Variants in RBMS1 observed in about 807,000 individuals in gnomAD.
RBMS1 encodes the protein RNA-binding motif, single-stranded-interacting protein 1.
Under a neutral mutation model 62.3 loss-of-function variants are expected in RBMS1, and 17 were observed. That is an observed-to-expected ratio of 0.27 (90% CI 0.19 to 0.41). The LOEUF (loss-of-function observed/expected upper bound fraction) is 0.41, where lower values mean the gene tolerates loss of function less well. Among genes scored for constraint, RBMS1 ranks in the 10% least tolerant of loss-of-function variants. The probability of loss-of-function intolerance (pLI) is 1.00; values close to 1 mark genes in which losing one functional copy is unlikely to be tolerated. For missense variants in RBMS1, 334 were observed against 504.5 expected, an observed-to-expected ratio of 0.66 and a Z score of 3.24; for synonymous variants, 172 against 170.0, an observed-to-expected ratio of 1.01 and a Z score of -0.09.
chr2:160,313,678 TTA>T (rs1379165961), intron 3 of RBMS1, among the ~76,000 whole-genome samples: 19 of 152,230 alleles, frequency 1.2e-4, no homozygotes, highest in African/African-American at 4.1e-4. Flanking sequence ...GAAACAAAAA[TTA>T]TGTTTATTTT....
At chr2:160,331,597 G>A (rs1019265351) in intron 2 of RBMS1, among the ~76,000 whole-genome samples, 1 of 152,140 alleles carries the variant, frequency 6.6e-6, no homozygotes, top group Non-Finnish European at 1.5e-5. Context: ...AGGAGTGGAG[G>A]AATAAATAAA....
chr2:160,288,906 C>A (rs1015362986), intron 6 of RBMS1, among the ~76,000 whole-genome samples: 13 of 150,772 alleles, frequency 8.6e-5, no homozygotes, highest in Non-Finnish European at 1.8e-4. Context: ...AGCATAATTT[C>A]TTTCAGAGAC....
rs572043029 is a variant in RBMS1, at chr2:160,273,241, TA to T, written c.*1530del. Reference sequence around the variant, plus strand: ...CACTTGAACACTTGTAGTGATGATGTAAAGTGTGGCACTGCTTGGATCCAAA... The same window carrying T: ...CACTTGAACACTTGTAGTGATGATGTAAGTGTGGCACTGCTTGGATCCAAA... On this transcript the variant is annotated 3_prime_UTR_variant, in exon 14 of 14. Coordinates refer to ENST00000348849, the MANE Select transcript of RBMS1 (RefSeq NM_016836.4). 1 of 152,272 alleles carries T rather than the reference TA, an allele frequency of 6.6e-6. No individual in the cohort carries two copies. Among genetic ancestry groups the T allele is most frequent in the Non-Finnish European group, 1.5e-5 (1 of 68,052 alleles). 9.4% of individuals were successfully genotyped at this position (152,272 alleles called of 1,614,324 possible). A position where few individuals can be genotyped will look rare whatever the true frequency, so the allele number is the denominator to read the frequency against.
At chr2:160,408,103 G>C (rs911315675) in intron 1 of RBMS1, among the ~76,000 whole-genome samples, 4 of 151,424 alleles carry the variant, frequency 2.6e-5, no homozygotes, top group Non-Finnish European at 5.9e-5. Flanking sequence ...CCCCGCTCTG[G>C]TGCAATGGTT....
At chr2:160,278,301 G>A (rs1210415954) in intron 11 of RBMS1, 1 of 525,380 alleles carries the variant, frequency 1.9e-6, no homozygotes, top group Non-Finnish European at 3.4e-6. Context: ...GTCATAAAAG[G>A]CTAGATGTGG....
intron 5 of RBMS1, 144 bp downstream of exon 5, chr2:160,303,186 G>A: frequency 2.7e-6 from 2 of 750,186 alleles, no homozygotes; most frequent in South Asian, 2.2e-5. Context: ...ATGCAGTCTG[G>A]TATTTACACA....
At chr2:160,283,612 T>G (rs1320750460) in intron 9 of RBMS1, 1 of 152,234 alleles carries the variant, frequency 6.6e-6, no homozygotes, top group Non-Finnish European at 1.5e-5. Context: ...ACCATTTTTA[T>G]GTTTTTAGGC....
intron 1 of RBMS1, among the ~76,000 whole-genome samples, chr2:160,426,272 A>AGAAAGAAAG (rs1553522563): frequency 1.4e-4 from 18 of 127,438 alleles, no homozygotes; most frequent in Non-Finnish European, 2.0e-4. Flanking sequence ...AAAGAAAGAA[A>AGAAAGAAAG]GAAAGAAAGA....
At chr2:160,282,371 C>G (rs1688145270) in intron 9 of RBMS1, 1 of 1,309,516 alleles carries the variant, frequency 7.6e-7, no homozygotes, top group African/African-American at 1.5e-5. Context: ...TGTAGCCTTT[C>G]CCCATTGGGG....
At chr2:160,338,033 AG>A (rs1691673841) in intron 2 of RBMS1, among the ~76,000 whole-genome samples, 1 of 152,170 alleles carries the variant, frequency 6.6e-6, no homozygotes, top group Non-Finnish European at 1.5e-5. Context: ...AGACACAGGT[AG>A]AAAGCTTTGG....
At chr2:160,437,085 C>T (rs1683140936) in intron 1 of RBMS1, among the ~76,000 whole-genome samples, 1 of 152,148 alleles carries the variant, frequency 6.6e-6, no homozygotes, top group African/African-American at 2.4e-5. Context: ...ATTCATTTAG[C>T]TTGGACCCTG....
At chr2:160,304,609 T>C (rs748490435) in intron 4 of RBMS1, among the ~76,000 whole-genome samples, 3 of 152,206 alleles carry the variant, frequency 2.0e-5, no homozygotes, top group Non-Finnish European at 2.9e-5. Flanking sequence ...ATCCTGACAC[T>C]GTGTAGCCCT....
At chr2:160,472,305 A>AT (rs962084115) in intron 1 of RBMS1, among the ~76,000 whole-genome samples, 38 of 152,292 alleles carry the variant, frequency 2.5e-4, no homozygotes, top group African/African-American at 8.4e-4. Flanking sequence ...CTACATTAAA[A>AT]ATATATATAT....
At chr2:160,490,727 T>C (rs1685789060) in intron 1 of RBMS1, among the ~76,000 whole-genome samples, 1 of 152,174 alleles carries the variant, frequency 6.6e-6, no homozygotes, top group Non-Finnish European at 1.5e-5. Flanking sequence ...TTTTACCTGG[T>C]ATTATCTGTT....
intron 1 of RBMS1, among the ~76,000 whole-genome samples, chr2:160,479,075 T>G (rs1338242722): frequency 6.6e-6 from 1 of 152,222 alleles, no homozygotes; most frequent in African/African-American, 2.4e-5. Context: ...ACCAAACTAA[T>G]TACAACAGGT....
At chr2:160,320,992 G>T (rs1464948968) in intron 2 of RBMS1, among the ~76,000 whole-genome samples, 1 of 152,016 alleles carries the variant, frequency 6.6e-6, no homozygotes, top group Non-Finnish European at 1.5e-5. Flanking sequence ...CAGTGATTAA[G>T]AGACTGCTCA....
At chr2:160,419,250 A>G (rs1433636710) in intron 1 of RBMS1, among the ~76,000 whole-genome samples, 1 of 152,156 alleles carries the variant, frequency 6.6e-6, no homozygotes, top group Non-Finnish European at 1.5e-5. Context: ...AATTCACTTA[A>G]GCTATTTGCT....
chr2:160,369,606 G>A (rs985715763), intron 1 of RBMS1, among the ~76,000 whole-genome samples: 1 of 152,212 alleles, frequency 6.6e-6, no homozygotes, highest in African/African-American at 2.4e-5. Context: ...TGTTTTCACA[G>A]TAGGACCCAG....
At chr2:160,455,592 C>T (rs955171565) in intron 1 of RBMS1, among the ~76,000 whole-genome samples, 1 of 151,400 alleles carries the variant, frequency 6.6e-6, no homozygotes, top group Admixed American at 6.6e-5. Flanking sequence ...CTGGAGAGGA[C>T]ACCAAAGGAA....
Sources: allele counts gnomAD v4.1 joint callset (sites outside exome capture counted in the v4.1 genomes callset), GRCh38; gene constraint gnomAD v4.1.1; transcripts MANE v1.5; gene names NCBI Gene and HGNC (gene_info 2026-07-23, HGNC 2026-07-21).